The following SLC67A1 variants were observed in gnomAD, a reference collection of about 807,000 sequenced individuals.
SLC67A1 encodes solute carrier family 67 member A1.
At chr11:2,913,899 G>A in the SLC67A1 span, among the ~76,000 whole-genome samples, 7 of 152,310 alleles carry the variant, frequency 4.6e-5, no homozygotes, top group Admixed American at 3.9e-4. Flanking sequence ...CTGGAGACGC[G>A]ATTGAAAGCC....
chr11:2,908,224 G>A, the SLC67A1 span: 2 of 1,610,556 alleles, frequency 1.2e-6, no homozygotes, highest in Non-Finnish European at 1.7e-6. Context: ...GCTCCCTCCT[G>A]TGTTTCAGTA....
At chr11:2,925,071 C>T in the SLC67A1 span, 26 of 1,613,652 alleles carry the variant, frequency 1.6e-5, no homozygotes, top group Admixed American at 1.3e-4. This position sits in a 1 kb window ranked among gnomAD's most constrained non-coding sequence, Gnocchi z 6.5. Context: ...GACCCACGGT[C>T]GGCGGCCTCC....
At chr11:2,922,405 C>CA in the SLC67A1 span, 4 of 1,603,936 alleles carry the variant, frequency 2.5e-6, no homozygotes, top group Non-Finnish European at 3.4e-6. Context: ...GTGAGGCCCC[C>CA]ACTCAGCTCG....
At chr11:2,903,379 C>T in the SLC67A1 span, 3 of 1,613,046 alleles carry the variant, frequency 1.9e-6, no homozygotes, top group Non-Finnish European at 8.5e-7. Context: ...GGACCAGGGC[C>T]GGTCCCCCGG....
the SLC67A1 span, chr11:2,909,516 TCAGG>T: frequency 1.3e-6 from 1 of 777,810 alleles, no homozygotes; most frequent in South Asian, 1.9e-5. Flanking sequence ...GAGGGGCGGG[TCAGG>T]GGGGGAAGGG....
the SLC67A1 span, chr11:2,919,461 C>A: frequency 3.7e-6 from 5 of 1,337,308 alleles, no homozygotes; most frequent in South Asian, 4.7e-5. Flanking sequence ...TCCAGTGGGG[C>A]AGGCCTCTGA....
At chr11:2,919,247 A>G in the SLC67A1 span, 42 of 1,213,400 alleles carry the variant, frequency 3.5e-5, no homozygotes, top group Middle Eastern at 1.9e-4. Context: ...GGCGGGAGGG[A>G]GGTGGGCGCC....
the SLC67A1 span, chr11:2,909,484 G>A: frequency 8.5e-6 from 12 of 1,412,558 alleles, no homozygotes; most frequent in South Asian, 4.2e-5. Flanking sequence ...GGGGTGGGGG[G>A]CGACGTGGGG....
At chr11:2,918,696 GTAA>G in the SLC67A1 span, among the ~76,000 whole-genome samples, 1 of 130,388 alleles carries the variant, frequency 7.7e-6, no homozygotes, top group South Asian at 2.8e-4. Flanking sequence ...ACTAACCTCA[GTAA>G]CAGGCCCTTT....
chr11:2,914,030 G>A, the SLC67A1 span, among the ~76,000 whole-genome samples: 5 of 152,194 alleles, frequency 3.3e-5, no homozygotes, highest in South Asian at 4.1e-4. Flanking sequence ...AGGGGCAGCC[G>A]GCAGCTGTGA....
chr11:2,919,065 G>T, the SLC67A1 span: 282 of 535,456 alleles, frequency 5.3e-4, no homozygotes, highest in Non-Finnish European at 8.1e-4. Flanking sequence ...CTCCCTTCCA[G>T]CACCTTCCTG....
chr11:2,900,271 G>A, the SLC67A1 span, among the ~76,000 whole-genome samples: 1 of 152,198 alleles, frequency 6.6e-6, no homozygotes, highest in Non-Finnish European at 1.5e-5. Flanking sequence ...CCCTCGAGCG[G>A]TACACTGCAC....
the SLC67A1 span, chr11:2,902,531 T>C: frequency 1.1e-5 from 11 of 975,790 alleles, no homozygotes; most frequent in Middle Eastern, 5.2e-4. Flanking sequence ...CAGGCGCAGC[T>C]CCCGGACCCT....
At chr11:2,915,112 C>T in the SLC67A1 span, 1 of 985,392 alleles carries the variant, frequency 1.0e-6, no homozygotes, top group South Asian at 4.7e-5. Context: ...GCCAGCACCC[C>T]CCTAGACTGA....
the SLC67A1 span, chr11:2,915,282 T>TG: frequency 6.1e-6 from 5 of 814,518 alleles, no homozygotes; most frequent in Non-Finnish European, 7.4e-6. Context: ...AGTTTGCCCG[T>TG]GTGTGTGTGT....
the SLC67A1 span, among the ~76,000 whole-genome samples, chr11:2,908,629 T>C: frequency 6.6e-6 from 1 of 152,056 alleles, no homozygotes; most frequent in African/African-American, 2.4e-5. Context: ...AGGAGGGACT[T>C]TGGGGGCTCC....
At chr11:2,909,684 G>A in the SLC67A1 span, 3 of 1,542,982 alleles carry the variant, frequency 1.9e-6, no homozygotes, top group Non-Finnish European at 2.6e-6. Flanking sequence ...GCTCCCTGCT[G>A]GGCGGGACCC....
chr11:2,924,731 A>T, the SLC67A1 span, among the ~76,000 whole-genome samples: 1 of 151,366 alleles, frequency 6.6e-6, no homozygotes, highest in Non-Finnish European at 1.5e-5. This position sits in a 1 kb window ranked among gnomAD's most constrained non-coding sequence, Gnocchi z 8.6. Context: ...AGCACCCTGC[A>T]TGGCTGAGAG....
At chr11:2,903,111 G>A in the SLC67A1 span, 2 of 967,448 alleles carry the variant, frequency 2.1e-6, no homozygotes, top group Admixed American at 3.2e-5. Flanking sequence ...GACCAGAGCT[G>A]TCAAAAGTGG....
Sources: allele counts gnomAD v4.1 joint callset (sites outside exome capture counted in the v4.1 genomes callset), GRCh38; gene constraint gnomAD v4.1.1; non-coding constraint Gnocchi (gnomAD v3.1); transcripts MANE v1.5; gene names NCBI Gene and HGNC (gene_info 2026-07-23, HGNC 2026-07-21).